MARCHF10: variants seen among roughly 807,000 people sequenced by gnomAD.
The protein encoded by MARCHF10 is membrane associated ring-CH-type finger 10, also known as probable E3 ubiquitin-protein ligase MARCHF10.
In MARCHF10, 64 loss-of-function variants were observed where a neutral mutation model predicts 76.2. The observed-to-expected ratio is 0.84, with a 90% CI of 0.69 to 1.03. The LOEUF (loss-of-function observed/expected upper bound fraction) is 1.03. Ranked by LOEUF, MARCHF10 falls within the 50% of genes least tolerant of loss-of-function variation. The pLI, the probability that MARCHF10 is intolerant of heterozygous loss-of-function variation, is 0.00. For synonymous variants in MARCHF10, 340 were observed against 357.5 expected (o/e 0.95, Z 0.55); for missense variants, 875 against 958.0 (o/e 0.91, Z 1.14).
At chr17:62,758,386 A>C (rs911757751) in intron 4 of MARCHF10, among the ~76,000 whole-genome samples, 1 of 152,150 alleles carries the variant, frequency 6.6e-6, no homozygotes, top group Non-Finnish European at 1.5e-5. Context: ...ACAACAAAAA[A>C]CAAAAAAACC....
At chr17:62,785,784 C>T (rs1243115682) in intron 3 of MARCHF10, among the ~76,000 whole-genome samples, 1 of 152,210 alleles carries the variant, frequency 6.6e-6, no homozygotes, top group East Asian at 1.9e-4. Context: ...AAATGCTCAT[C>T]ATCACTGGTC....
chr17:62,737,064 T>C lies in MARCHF10; in HGVS notation c.804A>G (p.Ser268=), dbSNP rs1386371108. 1 of 1,614,154 alleles carries C rather than the reference T, an allele frequency of 6.2e-7. No homozygotes were observed. The highest frequency in any genetic ancestry group is 1.7e-5 in the Admixed American group (1 of 60,010). Residue 268 remains serine (S), a synonymous_variant, in exon 6 of 11, where the codon TCA becomes TCG. Coordinates refer to ENST00000311269, the MANE Select transcript of MARCHF10 (RefSeq NM_152598.4). ...AAAAGTCTTCATCTCGGAACCTAAATGATGCCTTTCTTGGCCCTCCTACAG... is the reference window on the plus strand; with the variant it reads ...AAAAGTCTTCATCTCGGAACCTAAACGATGCCTTTCTTGGCCCTCCTACAG... ...PTTVGGPRKA[S]FRFRDEDFYS... is the part of the protein sequence containing the mutation.
At chr17:62,750,848 TTCTCG>T (rs2091876267) in intron 4 of MARCHF10, among the ~76,000 whole-genome samples, 3 of 152,176 alleles carry the variant, frequency 2.0e-5, no homozygotes, top group African/African-American at 7.2e-5. Flanking sequence ...TCTGGGGCCT[TTCTCG>T]TCTCCCACTG....
Position 62,735,931 on chromosome 17 carries a change from C to T in MARCHF10, c.1937G>A (p.Ser646Asn), listed in dbSNP as rs2091242389. 1 of 1,594,484 alleles carries T rather than the reference C, an allele frequency of 6.3e-7. No individual in the cohort carries two copies. Among genetic ancestry groups the T allele is most frequent in the Non-Finnish European group, 8.5e-7 (1 of 1,175,916 alleles). ...ATATATAATTATGAAAAGTCCTCAC[C>T]TTTCTTGCAATTTCTTGAGTTTCTC... ...DPEKLKKLQE[S>N]LLEEDSEEEG... Residue 646 changes from serine (S) to asparagine (N), a missense_variant and splice_region_variant, in exon 6 of 11, where the codon AGT becomes AAT. Transcript: ENST00000311269.
intron 3 of MARCHF10, among the ~76,000 whole-genome samples, chr17:62,770,259 C>T (rs1482399994): frequency 2.6e-5 from 4 of 152,236 alleles, no homozygotes; most frequent in East Asian, 1.9e-4. Flanking sequence ...CTTCTTTATC[C>T]AATCTACCAT....
chr17:62,795,774 G>A (rs769588104), intron 2 of MARCHF10, among the ~76,000 whole-genome samples: 4 of 152,192 alleles, frequency 2.6e-5, no homozygotes, highest in Non-Finnish European at 1.5e-5. Context: ...TTTGGGATTC[G>A]TGTCTAGTTA....
At position 62,736,551 on chromosome 17, in the gene MARCHF10, G is replaced by C; in HGVS notation, c.1317C>G (p.Tyr439Ter). The C allele has an allele frequency of 5.6e-6, 9 of 1,614,202 alleles. No individual in the cohort carries two copies. The highest frequency in any genetic ancestry group is 6.8e-6 in the Non-Finnish European group (8 of 1,180,046). Residue 439 changes from tyrosine to a stop codon, truncating the protein, a stop_gained, in exon 6 of 11, where the codon TAC (tyrosine) becomes TAG (stop). Transcript: ENST00000311269. LOFTEE classifies it high-confidence loss of function. ...GAGAACTGTTTAAATAGTCTTTCCA[G>C]TATCCTTCAGAATCATGGGTGCCAG... ...HRPGTHDSEGYWKDYLNSSQN... is the reference protein window; with the variant it reads ...HRPGTHDSEG
chr17:62,703,363 G>T (rs916345988), intron 10 of MARCHF10: 3 of 152,378 alleles, frequency 2.0e-5, no homozygotes, highest in Non-Finnish European at 2.9e-5. Context: ...GTCATGCCAG[G>T]ATGCCAGGGG....
Position 62,770,076 on chromosome 17 carries a change from G to A in MARCHF10, c.211-10070C>T, listed in dbSNP as rs1367482648. On this transcript the variant is annotated intron_variant, in intron 3 of 10. Coordinates refer to ENST00000311269, the MANE Select transcript of MARCHF10 (RefSeq NM_152598.4). The stretch of plus-strand genomic sequence containing the variant: ...GTTGTTCCCTTGTTTATATCCATGT[G>A]TGCTCAATATTTAGCTCCCACTTAT... Among the ~76,000 whole-genome samples, 2 of 152,128 alleles carry A rather than the reference G, an allele frequency of 1.3e-5. 1 individual carries two copies. The highest frequency in any genetic ancestry group is 3.9e-4 in the East Asian group (2 of 5,190).
intron 3 of MARCHF10, among the ~76,000 whole-genome samples, chr17:62,761,213 T>G (rs186642201): frequency 4.3e-4 from 66 of 152,330 alleles, no homozygotes; most frequent in African/African-American, 1.6e-3. Flanking sequence ...ATTTTAAATT[T>G]AGAGTTTGGA....
chr17:62,760,850 G>A (rs1292814118), intron 3 of MARCHF10, among the ~76,000 whole-genome samples: 1 of 152,224 alleles, frequency 6.6e-6, no homozygotes, highest in African/African-American at 2.4e-5. Flanking sequence ...GGTCGTTGCG[G>A]TGGGGGTGGA....
At chr17:62,794,292 C>T (rs1465590783) in intron 2 of MARCHF10, among the ~76,000 whole-genome samples, 1 of 152,194 alleles carries the variant, frequency 6.6e-6, no homozygotes, top group Non-Finnish European at 1.5e-5. Context: ...CTGCCTCCAC[C>T]ACCACTGCCA....
chr17:62,804,312 A>T (rs2093128303), intron 1 of MARCHF10, among the ~76,000 whole-genome samples: 1 of 152,162 alleles, frequency 6.6e-6, no homozygotes, highest in South Asian at 2.1e-4. Context: ...AGAGGTACAG[A>T]TTTGGGCACT....
intron 6 of MARCHF10, among the ~76,000 whole-genome samples, chr17:62,725,665 A>T (rs2090723571): frequency 6.6e-6 from 1 of 152,228 alleles, no homozygotes; most frequent in Admixed American, 6.5e-5. Context: ...GTAAAGGGAA[A>T]TGGCTACAGA....
chr17:62,704,818 G>A, intron 10 of MARCHF10: 1 of 565,848 alleles, frequency 1.8e-6, no homozygotes. Flanking sequence ...TCCCCCAGAA[G>A]AATCTCTGGG....
At position 62,736,286 on chromosome 17, in the gene MARCHF10, G is replaced by A. The variant is rs909335958; in HGVS notation, c.1582C>T (p.His528Tyr). The A allele has an allele frequency of 2.5e-6, 4 of 1,614,036 alleles. No individual in the cohort carries two copies. Among genetic ancestry groups the A allele is most frequent in the East Asian group, 2.2e-5 (1 of 44,900 alleles). Residue 528 changes from histidine (H) to tyrosine (Y), a missense_variant, in exon 6 of 11, where the codon CAT becomes TAT. Coordinates refer to ENST00000311269, the MANE Select transcript of MARCHF10 (RefSeq NM_152598.4). ...GCACTGTTTACTGGGAAATAATTAT[G>A]GTTTTCGGCACTGGCAAATGGAGTC... ...NRTPFASAEN[H>Y]NYFPVNSAHE... is the part of the protein sequence containing the mutation.
chr17:62,771,452 G>A (rs1331519073), intron 3 of MARCHF10, among the ~76,000 whole-genome samples: 1 of 152,114 alleles, frequency 6.6e-6, no homozygotes, highest in Non-Finnish European at 1.5e-5. Flanking sequence ...ATGCAGAGCT[G>A]TAAGGAGAGC....
intron 3 of MARCHF10, among the ~76,000 whole-genome samples, chr17:62,779,736 T>C (rs1288039874): frequency 6.6e-6 from 1 of 152,228 alleles, no homozygotes; most frequent in Non-Finnish European, 1.5e-5. Context: ...GACTATAATC[T>C]GGAGCTGTGC....
rs765939639 is a variant in MARCHF10, at chr17:62,737,119, T to A, written c.749A>T (p.Glu250Val). ...GGGTGTGAGTGGTGGCCCCGAGAAC[T>A]CACTCAATACTTGAGGACTATTTTT... ...QGKNSPQVLS[E>V]FSGPPLTPTT... The change falls in exon 6 of 11, where the codon GAG (glutamate) becomes GTG (valine). Residue 250 changes from glutamate (E) to valine (V), a missense_variant. Glu to Val is a moderately radical substitution (Grantham distance 121, BLOSUM62 -2). Coordinates refer to ENST00000311269, the MANE Select transcript of MARCHF10 (RefSeq NM_152598.4). 1 of 1,614,130 alleles carries A rather than the reference T, an allele frequency of 6.2e-7. No individual in the cohort carries two copies. Among genetic ancestry groups the A allele is most frequent in the Non-Finnish European group, 8.5e-7 (1 of 1,180,040 alleles).
Sources: gnomAD v4.1 joint callset for allele counts (sites outside exome capture counted in the v4.1 genomes callset) on GRCh38, gnomAD v4.1.1 for gene constraint, MANE v1.5 for transcripts, NCBI Gene and HGNC (gene_info 2026-07-23, HGNC 2026-07-21) for gene names.